EVI2B: variants seen among roughly 807,000 people sequenced by gnomAD.
EVI2B encodes ecotropic viral integration site 2B, also known as protein EVI2B.
Under a neutral mutation model 6.6 loss-of-function variants are expected in EVI2B, and 4 were observed. The observed-to-expected ratio is 0.61, with a 90% CI of 0.30 to 1.39. EVI2B has a LOEUF of 1.39. Ranked by LOEUF, EVI2B falls within the 40% of genes most tolerant of loss-of-function variation. The pLI is 0.08. For missense variants in EVI2B, 484 were observed against 516.6 expected (o/e 0.94, Z 0.61); for synonymous variants, 181 against 186.8 (o/e 0.97, Z 0.25).
rs764127894 is a variant in EVI2B, at chr17:31,305,447, G to C, written c.163C>G (p.Pro55Ala). Reference protein sequence around the residue: ...LANSQNTTGNPLGQPTQFSDT... With the variant: ...LANSQNTTGNALGQPTQFSDT... ...CTGAATTGTGTTGGTTGACCCAAAG[G>C]ATTCCCTGTTGTGTTTTGAGAATTA... The change falls in exon 2 of 2, where the codon CCT (proline) becomes GCT (alanine). Residue 55 changes from proline to alanine, a missense_variant. Transcript: ENST00000330927. The C allele has an allele frequency of 1.2e-6, 2 of 1,614,190 alleles. No homozygotes were observed. The highest frequency in any genetic ancestry group is 2.7e-5 in the African/African-American group (2 of 75,044).
rs779884010 is a variant in EVI2B at position 31,304,292 on chromosome 17, G to A, written c.1318C>T (p.Leu440=). 1 of 1,612,510 alleles carries A rather than the reference G, an allele frequency of 6.2e-7. No homozygotes were observed. Among genetic ancestry groups the A allele is most frequent in the Non-Finnish European group, 8.5e-7 (1 of 1,179,334 alleles). ...AACAGTTCTGCAGGTGGAGGTGGCAGGGATTCATTAAGATCTTGATCAGAG... is the reference window on the plus strand; with the variant it reads ...AACAGTTCTGCAGGTGGAGGTGGCAAGGATTCATTAAGATCTTGATCAGAG... ...PNSDQDLNES[L]PPPPAELL The change falls in exon 2 of 2, where the codon CTG becomes TTG. Residue 440 remains leucine, a synonymous_variant. Coordinates refer to ENST00000330927, the MANE Select transcript of EVI2B (RefSeq NM_006495.4).
At position 31,304,861 on chromosome 17, in the gene EVI2B, G is replaced by T. The variant is rs991627764; in HGVS notation, c.749C>A (p.Pro250His). The change falls in exon 2 of 2, where the codon CCT (proline) becomes CAT (histidine). Residue 250 changes from proline (P) to histidine (H), a missense_variant. Physicochemically the swap from Pro to His is moderately conservative, Grantham distance 77. Transcript: ENST00000330927. ...TCTGATGTTATCCATACAAATGTCA[G>T]GGGTTTCTCCATCAGCAAATGGAGA... ...GRSPFADGET[P>H]DICMDNIREN... is the part of the protein sequence containing the mutation. The T allele has an allele frequency of 2.5e-6, 4 of 1,613,806 alleles. No individual in the cohort carries two copies. In the African/African-American group the frequency reaches 4.0e-5, roughly 16 times the overall value.
At chr17:31,307,952 A>G (rs2151513204) in intron 1 of EVI2B, 2 of 1,282,628 alleles carry the variant, frequency 1.6e-6, no homozygotes, top group Admixed American at 2.3e-5. Context: ...CAGTGATGAT[A>G]AATGGCCCTG....
rs141993578 is a variant in EVI2B at position 31,309,148 on chromosome 17, G to A, written c.-21-3518C>T. On this transcript the variant is annotated intron_variant, in intron 1 of 1. Transcript: ENST00000330927. ...ACTCGAAGTGACAGATTGGGAGTTT[G>A]TACCCAGGGCCACCTGATTCCAAAG... 4.6e-3 allele frequency among the ~76,000 whole-genome samples: 699 copies of A among 152,276 alleles called. 6 individuals carry two copies. Among genetic ancestry groups the A allele is most frequent in the African/African-American group, 0.016 (664 of 41,546 alleles).
Position 31,304,505 on chromosome 17 carries a change from C to G in EVI2B, c.1105G>C (p.Asp369His), listed in dbSNP as rs182462384. The change falls in exon 2 of 2, where the codon GAT becomes CAT. Residue 369 changes from aspartate (D) to histidine (H), a missense_variant. Transcript: ENST00000330927. ...TMTIVSPLPN[D>H]STSLPPSLDC... ...AGAGATGGAGGGAGACTAGTAGAAT[C>G]ATTTGGAAGAGGAGATACAATTGTC... 1 of 1,614,136 alleles carries G rather than the reference C, an allele frequency of 6.2e-7. No individual in the cohort carries two copies. Among genetic ancestry groups the G allele is most frequent in the Non-Finnish European group, 8.5e-7 (1 of 1,180,006 alleles).
At chr17:31,305,659 G>T in intron 1 of EVI2B, 29 bp from the exon 2 acceptor site, 1 of 1,556,524 alleles carries the variant, frequency 6.4e-7, no homozygotes, top group South Asian at 1.2e-5. Flanking sequence ...GAAAGAGAAA[G>T]ACAGTTAGGC....
chr17:31,304,180 G>T lies in EVI2B; in HGVS notation c.*83C>A. 1 of 1,336,426 alleles carries T rather than the reference G, an allele frequency of 7.5e-7. No homozygotes were observed. The highest frequency in any genetic ancestry group is 1.0e-6 in the Non-Finnish European group (1 of 978,024). The allele number at this position is 1,336,426 out of a possible 1,614,324, so 82.8% of individuals were successfully genotyped here. ...GAATAAAAATCAAAATTGACTATCA[G>T]TTGCCATTTTATATATGTTAACATA... On this transcript the variant is annotated 3_prime_UTR_variant, in exon 2 of 2. Transcript: ENST00000330927.
At position 31,305,118 on chromosome 17, in the gene EVI2B, A is replaced by G. The variant is rs1408628610; in HGVS notation, c.492T>C (p.His164=). ...TTGATGTTGGTTGTGTGGATGGATT[A>G]TGAACAGTTATTTGTTTTCTAGAAG... ...QIPSRKQITV[H]NPSTQPTSTV... is the part of the protein sequence containing the mutation. Residue 164 remains histidine (H), a synonymous_variant, in exon 2 of 2, where the codon CAT becomes CAC. Transcript: ENST00000330927. The G allele has an allele frequency of 6.2e-7, 1 of 1,614,198 alleles. No individual in the cohort carries two copies. Among genetic ancestry groups the G allele is most frequent in the East Asian group, 2.2e-5 (1 of 44,888 alleles).
At chr17:31,306,587 G>A (rs1387734967) in intron 1 of EVI2B, among the ~76,000 whole-genome samples, 1 of 152,034 alleles carries the variant, frequency 6.6e-6, no homozygotes. Context: ...AGCATCCTTA[G>A]TGTCTCTGTA....
At chr17:31,305,717 C>A in intron 1 of EVI2B, 87 bp from the exon 2 acceptor site, 1 of 1,130,176 alleles carries the variant, frequency 8.8e-7, no homozygotes, top group Non-Finnish European at 1.2e-6. Flanking sequence ...TGATTCCTGG[C>A]ATAAAGTAGG....
chr17:31,307,195 T>C (rs1417123391), intron 1 of EVI2B, among the ~76,000 whole-genome samples: 8 of 151,548 alleles, frequency 5.3e-5, no homozygotes, highest in African/African-American at 1.5e-4. Flanking sequence ...CCTATTTTTG[T>C]ATTTTTAGCA....
chr17:31,307,022 T>TA (rs2068741773), intron 1 of EVI2B, among the ~76,000 whole-genome samples: 1 of 151,748 alleles, frequency 6.6e-6, no homozygotes, highest in Non-Finnish European at 1.5e-5. Flanking sequence ...AAAAAATAAT[T>TA]ACAATAATTT....
chr17:31,312,992 G>T (rs528057225), intron 1 of EVI2B, among the ~76,000 whole-genome samples: 1 of 151,984 alleles, frequency 6.6e-6, no homozygotes, highest in South Asian at 2.1e-4. Context: ...ACATAAACAC[G>T]TAGATGATAT....
chr17:31,306,599 C>T (rs928620044), intron 1 of EVI2B, among the ~76,000 whole-genome samples: 1 of 151,994 alleles, frequency 6.6e-6, no homozygotes, highest in African/African-American at 2.4e-5. Context: ...GTCTCTGTAG[C>T]GTGGTAGCCT....
Position 31,304,270 on chromosome 17 carries a change from A to G in EVI2B, c.1340T>C (p.Leu447Pro). 1.2e-6 allele frequency: 2 copies of G among 1,603,544 alleles called. No homozygotes were observed. Among genetic ancestry groups the G allele is most frequent in the Non-Finnish European group, 1.7e-6 (2 of 1,176,024 alleles). Residue 447 changes from leucine to proline, a missense_variant, in exon 2 of 2, where the codon CTG becomes CCG. Leu to Pro is a moderately conservative substitution (Grantham distance 98, BLOSUM62 -3). Transcript: ENST00000330927. The part of the protein sequence containing the change: ...NESLPPPPAE[L>P]L ...AAAAGCAAGTTGTAATATTTATAAC[A>G]GTTCTGCAGGTGGAGGTGGCAGGGA...
At chr17:31,308,410 G>A (rs992391748) in intron 1 of EVI2B, among the ~76,000 whole-genome samples, 1 of 151,986 alleles carries the variant, frequency 6.6e-6, no homozygotes, top group African/African-American at 2.4e-5. Flanking sequence ...CAAAATGCTG[G>A]GATTACAGGC....
chr17:31,311,098 G>C lies in EVI2B; in HGVS notation c.-22+2881C>G, dbSNP rs541462787. Among the ~76,000 whole-genome samples the C allele has an allele frequency of 2.0e-5, 3 of 151,956 alleles. No individual in the cohort carries two copies. In the East Asian group the frequency reaches 5.8e-4, roughly 30 times the overall value. ...CCTAAAGAAGTTAGAAACTGCAGGT[G>C]CACTACACCACGCCCAACTAATTTT... is the stretch of plus-strand genomic sequence containing the variant. On this transcript the variant is annotated intron_variant, in intron 1 of 1. Coordinates refer to ENST00000330927, the MANE Select transcript of EVI2B (RefSeq NM_006495.4).
intron 1 of EVI2B, among the ~76,000 whole-genome samples, chr17:31,311,066 C>T (rs1423117994): frequency 6.6e-6 from 1 of 151,680 alleles, no homozygotes; most frequent in African/African-American, 2.4e-5. Flanking sequence ...CCTCACACCT[C>T]AGCTTCCCTA....
At chr17:31,308,286 A>C (rs994697151) in intron 1 of EVI2B, among the ~76,000 whole-genome samples, 2 of 151,864 alleles carry the variant, frequency 1.3e-5, no homozygotes, top group African/African-American at 4.8e-5. Context: ...TACAGTAGGC[A>C]TACACTACCA....
Sources: allele counts gnomAD v4.1 joint callset (sites outside exome capture counted in the v4.1 genomes callset), GRCh38; gene constraint gnomAD v4.1.1; transcripts MANE v1.5; gene names NCBI Gene and HGNC (gene_info 2026-07-23, HGNC 2026-07-21).